ABCB5: variants seen among roughly 807,000 people sequenced by gnomAD.
The protein encoded by ABCB5 is ATP binding cassette subfamily B member 5, also known as ATP-binding cassette sub-family B member 5.
A neutral mutation model predicts 144.2 loss-of-function variants in ABCB5; 155 were observed. That is an observed-to-expected ratio of 1.08 (90% CI 0.94 to 1.23). ABCB5 has a LOEUF of 1.23. Ranked by LOEUF, ABCB5 falls within the 50% of genes most tolerant of loss-of-function variation. ABCB5 has a pLI of 0.00. For missense variants in ABCB5, 1,830 were observed against 1,520.8 expected, an observed-to-expected ratio of 1.20 and a Z score of -3.38; for synonymous variants, 610 against 528.6, an observed-to-expected ratio of 1.15 and a Z score of -2.11.
intron 14 of ABCB5, among the ~76,000 whole-genome samples, chr7:20,677,602 G>C (rs1327765584): frequency 6.6e-6 from 1 of 152,086 alleles, no homozygotes; most frequent in Non-Finnish European, 1.5e-5. Flanking sequence ...GGTGGTGCAC[G>C]CCTGTAATTC....
At chr7:20,690,022 C>A (rs1262125983) in intron 16 of ABCB5, among the ~76,000 whole-genome samples, 1 of 152,126 alleles carries the variant, frequency 6.6e-6, no homozygotes, top group East Asian at 1.9e-4. Context: ...AGTTTGGATT[C>A]TATTCTTCCT....
At chr7:20,655,490 C>T (rs540600981) in intron 13 of ABCB5, among the ~76,000 whole-genome samples, 1 of 151,100 alleles carries the variant, frequency 6.6e-6, no homozygotes, top group Non-Finnish European at 1.5e-5. Flanking sequence ...CTCCCCCCAG[C>T]CCCCCAAAAA....
intron 2 of ABCB5, among the ~76,000 whole-genome samples, chr7:20,624,308 T>C (rs2128017049): frequency 6.6e-6 from 1 of 152,346 alleles, no homozygotes; most frequent in South Asian, 2.1e-4. Context: ...GGCGTCAGAC[T>C]GAAGTTCAAT....
chr7:20,655,420 C>CAGGA (rs1784751504), intron 13 of ABCB5, among the ~76,000 whole-genome samples: 1 of 152,114 alleles, frequency 6.6e-6, no homozygotes, highest in African/African-American at 2.4e-5. Context: ...TTGCAGTGAG[C>CAGGA]TGAGATAGCA....
intron 14 of ABCB5, chr7:20,660,495 G>A: frequency 1.2e-6 from 1 of 812,474 alleles, no homozygotes; most frequent in Non-Finnish European, 1.5e-6. Context: ...ATACTCTTCA[G>A]TTTATTGGAA....
intron 25 of ABCB5, among the ~76,000 whole-genome samples, chr7:20,743,875 T>A (rs927433390): frequency 1.3e-5 from 2 of 152,036 alleles, no homozygotes; most frequent in African/African-American, 2.4e-5. Context: ...GAGACACTCA[T>A]CTATTCGCAC....
Position 20,753,105 on chromosome 7 carries a change from GA to G in ABCB5, c.3430-250del, listed in dbSNP as rs199587046. Among the ~76,000 whole-genome samples, 1,500 of 152,166 alleles carry G rather than the reference GA, an allele frequency of 9.9e-3. 27 individuals carry two copies. Among genetic ancestry groups the G allele is most frequent in the African/African-American group, 0.034 (1,403 of 41,514 alleles). On this transcript the variant is annotated intron_variant, in intron 26 of 27. Coordinates refer to ENST00000404938, the MANE Select transcript of ABCB5 (RefSeq NM_001163941.2). ...TAATTTTTTTCTTATGCTTTAATTT[GA>G]AAAATTTCTTTGTGGAAGCATAATG...
intron 16 of ABCB5, among the ~76,000 whole-genome samples, chr7:20,690,599 G>A (rs1219855087): frequency 1.3e-5 from 2 of 152,178 alleles, no homozygotes; most frequent in Admixed American, 6.5e-5. Context: ...CAGTGTGTGG[G>A]GGCCAGAGTA....
In ABCB5 at chr7:20,710,945, T is replaced by A. The variant is rs1035965878; in HGVS notation, c.2421+6138T>A. Among the ~76,000 whole-genome samples the A allele has an allele frequency of 3.3e-5, 5 of 150,036 alleles. 1 individual carries two copies. Among genetic ancestry groups the A allele is most frequent in the Non-Finnish European group, 7.4e-5 (5 of 67,414 alleles). ...AGGAAAGTGATATTGCTAAGTATAATGTTTTGTTTTGTTATTCTAGTGGTT... is the reference window on the plus strand; with the variant it reads ...AGGAAAGTGATATTGCTAAGTATAAAGTTTTGTTTTGTTATTCTAGTGGTT... On this transcript the variant is annotated intron_variant, in intron 20 of 27. Transcript: ENST00000404938.
chr7:20,668,524 G>T (rs575332701), intron 14 of ABCB5, among the ~76,000 whole-genome samples: 4 of 151,650 alleles, frequency 2.6e-5, no homozygotes, highest in African/African-American at 9.7e-5. Flanking sequence ...CCCTCCGTCC[G>T]GCAGCCACCC....
At position 20,651,355 on chromosome 7, in the gene ABCB5, A is replaced by T. The variant is rs1784577727; in HGVS notation, c.1333-65A>T. The stretch of plus-strand genomic sequence containing the variant: ...TTCTCAGCTTATATTTTGGTCTAGT[A>T]TGAAAAACCCTAAAATCAATACAGT... On this transcript the variant is annotated intron_variant, in intron 12 of 27. Coordinates refer to ENST00000404938, the MANE Select transcript of ABCB5 (RefSeq NM_001163941.2). 2.0e-6 allele frequency: 3 copies of T among 1,531,534 alleles called. No individual in the cohort carries two copies. In the South Asian group the frequency reaches 3.5e-5, roughly 18 times the overall value. The allele number at this position is 1,531,534 out of a possible 1,614,324, so 94.9% of individuals were successfully genotyped here. A position where few individuals can be genotyped will look rare whatever the true frequency, so the allele number is the denominator to read the frequency against.
intron 13 of ABCB5, among the ~76,000 whole-genome samples, chr7:20,652,761 C>A (rs77926987): frequency 0.16 from 24,013 of 152,006 alleles, 2,336 homozygotes; most frequent in Non-Finnish European, 0.21. Context: ...CCTCAGCATC[C>A]CCTGAAATTG....
intron 26 of ABCB5, among the ~76,000 whole-genome samples, chr7:20,751,496 A>T (rs1782929881): frequency 6.6e-6 from 1 of 152,120 alleles, no homozygotes; most frequent in South Asian, 2.1e-4. Flanking sequence ...ATAAAATTTA[A>T]AAAAATTAAA....
At chr7:20,650,291 T>G (rs962899830) in intron 12 of ABCB5, 144 bp downstream of exon 12, 2 of 1,111,372 alleles carry the variant, frequency 1.8e-6, no homozygotes, top group African/African-American at 3.2e-5. Context: ...ATCCATTCAC[T>G]CAGCAAATAT....
chr7:20,619,869 G>C (rs1783772183), intron 1 of ABCB5, among the ~76,000 whole-genome samples: 3 of 152,102 alleles, frequency 2.0e-5, no homozygotes, highest in Non-Finnish European at 4.4e-5. Context: ...TGAAATGTAG[G>C]GGTCCAGTTT....
At position 20,711,893 on chromosome 7, in the gene ABCB5, CTT is replaced by C. The variant is rs1562573975; in HGVS notation, c.2421+7087_2421+7088del. Among the ~76,000 whole-genome samples, 140 of 113,852 alleles carry C rather than the reference CTT, an allele frequency of 1.2e-3. 11 individuals carry two copies. The highest frequency in any genetic ancestry group is 8.7e-3 in the Middle Eastern group (2 of 230). 74.7% of individuals were successfully genotyped at this position (113,852 alleles called of 152,430 possible). A position where few individuals can be genotyped will look rare whatever the true frequency, so the allele number is the denominator to read the frequency against. On this transcript the variant is annotated intron_variant, in intron 20 of 27. Transcript: ENST00000404938. ...CCCTCCCTCCCTCCCTCCCTCCCTC[CTT>C]CCTTCCTTCCTTCCTTTCTTTCTCT... is the stretch of plus-strand genomic sequence containing the variant.
intron 1 of ABCB5, among the ~76,000 whole-genome samples, chr7:20,617,293 C>T (rs1783709058): frequency 6.6e-6 from 1 of 151,994 alleles, no homozygotes; most frequent in Non-Finnish European, 1.5e-5. Context: ...AGATTTTTTT[C>T]CAGTGCATTT....
At chr7:20,666,696 T>C in intron 14 of ABCB5, 1 of 1,558,496 alleles carries the variant, frequency 6.4e-7, no homozygotes, top group Non-Finnish European at 8.7e-7. Flanking sequence ...GCTTTTAGCT[T>C]TGTGTAATCT....
chr7:20,625,538 AC>A (rs1783890787), intron 2 of ABCB5, among the ~76,000 whole-genome samples: 1 of 152,194 alleles, frequency 6.6e-6, no homozygotes, highest in African/African-American at 2.4e-5. Flanking sequence ...CTTAATGTGT[AC>A]CTAATAGAAC....
Sources: gnomAD v4.1 joint callset for allele counts (sites outside exome capture counted in the v4.1 genomes callset) on GRCh38, gnomAD v4.1.1 for gene constraint, MANE v1.5 for transcripts, NCBI Gene and HGNC (gene_info 2026-07-23, HGNC 2026-07-21) for gene names.